ZBTB40: variants seen among roughly 807,000 people sequenced by gnomAD.
ZBTB40 encodes the protein zinc finger and BTB domain containing 40.
In ZBTB40, 60 loss-of-function variants were observed where a neutral mutation model predicts 117.5. That is an observed-to-expected ratio of 0.51 (90% CI 0.41 to 0.63). The LOEUF is 0.63. Among genes scored for constraint, ZBTB40 ranks in the 30% least tolerant of loss-of-function variants. The probability of loss-of-function intolerance (pLI) is 0.00; values close to 1 mark genes in which losing one functional copy is unlikely to be tolerated. For missense variants in ZBTB40, 1,287 were observed against 1,498.5 expected, an observed-to-expected ratio of 0.86 and a Z score of 2.33; for synonymous variants, 525 against 577.1, an observed-to-expected ratio of 0.91 and a Z score of 1.29.
chr1:22,521,541 G>A lies in ZBTB40; in HGVS notation c.3094G>A (p.Val1032Ile), dbSNP rs1459222484. The change falls in exon 15 of 18, where the codon GTA becomes ATA. Residue 1032 changes from valine (V) to isoleucine (I), a missense_variant. By Grantham distance (29) the Val-to-Ile change is conservative (BLOSUM62 3). Coordinates refer to ENST00000375647, the MANE Select transcript of ZBTB40 (RefSeq NM_014870.4). ...WYHNRTHHPD[V>I]FAAQNHRSSK... ...CCACAATCGAACCCACCACCCTGAC[G>A]TATTTGCTGCTCAGAACCACCGATC... is the stretch of plus-strand genomic sequence containing the variant. 3.1e-6 allele frequency: 5 copies of A among 1,614,062 alleles called. No homozygotes were observed. Among genetic ancestry groups the A allele is most frequent in the Admixed American group, 3.3e-5 (2 of 60,002 alleles).
In ZBTB40 at chr1:22,524,359, A is replaced by T; in HGVS notation, c.3440A>T (p.Gln1147Leu). ...CTCTGTGGGGAACTCTTCACCTCCCAGGCCCAGCTTGACAGTCACCTGGAA... is the reference window on the plus strand; with the variant it reads ...CTCTGTGGGGAACTCTTCACCTCCCTGGCCCAGCTTGACAGTCACCTGGAA... ...CELCGELFTS[Q>L]AQLDSHLESE... The change falls in exon 17 of 18, where the codon CAG becomes CTG. Residue 1147 changes from glutamine to leucine, a missense_variant. Gln to Leu is a moderately radical substitution (Grantham distance 113, BLOSUM62 -2). Coordinates refer to ENST00000375647, the MANE Select transcript of ZBTB40 (RefSeq NM_014870.4). 1 of 1,614,152 alleles carries T rather than the reference A, an allele frequency of 6.2e-7. No homozygotes were observed. Among genetic ancestry groups the T allele is most frequent in the South Asian group, 1.1e-5 (1 of 91,072 alleles).
intron 7 of ZBTB40, 104 bp downstream of exon 7, chr1:22,508,241 A>G: frequency 7.3e-7 from 1 of 1,364,596 alleles, no homozygotes; most frequent in Admixed American, 2.0e-5. Flanking sequence ...ATACATATGT[A>G]GCCATGTTGA....
At chr1:22,480,397 A>G (rs1392541447) in intron 1 of ZBTB40, among the ~76,000 whole-genome samples, 1 of 152,138 alleles carries the variant, frequency 6.6e-6, no homozygotes, top group Non-Finnish European at 1.5e-5. Context: ...TTCTGTTTCA[A>G]AGGTCCCCTC....
At chr1:22,517,832 C>T (rs1435590966) in intron 13 of ZBTB40, among the ~76,000 whole-genome samples, 1 of 152,170 alleles carries the variant, frequency 6.6e-6, no homozygotes. Context: ...CCCGTAGGAG[C>T]AGTCCAGACA....
chr1:22,489,866 G>A lies in ZBTB40; in HGVS notation c.-69-14G>A, dbSNP rs1557501835. 23 of 1,325,796 alleles carry A rather than the reference G, an allele frequency of 1.7e-5. No homozygotes were observed. The highest frequency in any genetic ancestry group is 2.3e-5 in the East Asian group (1 of 43,592). 82.1% of individuals were successfully genotyped at this position (1,325,796 alleles called of 1,614,324 possible). On this transcript the variant is annotated splice_polypyrimidine_tract_variant and intron_variant, in intron 1 of 17. Coordinates refer to ENST00000375647, the MANE Select transcript of ZBTB40 (RefSeq NM_014870.4). ...TTTTGAAGTTTTAACCTGGTATTTTGTGGGTTTCTCTAGGGCCTGTCCTCC... is the reference window on the plus strand; with the variant it reads ...TTTTGAAGTTTTAACCTGGTATTTTATGGGTTTCTCTAGGGCCTGTCCTCC...
chr1:22,522,282 T>C, intron 15 of ZBTB40, 95 bp from the exon 16 acceptor site: 1 of 1,136,606 alleles, frequency 8.8e-7, no homozygotes, highest in Non-Finnish European at 1.3e-6. Flanking sequence ...TGCTAAGTAT[T>C]GGCCATCGCC....
At chr1:22,508,201 T>G in intron 7 of ZBTB40, 64 bp downstream of exon 7, 3 of 1,520,072 alleles carry the variant, frequency 2.0e-6, no homozygotes, top group Non-Finnish European at 2.7e-6. Context: ...AAAATATGAA[T>G]ACACACACAC....
intron 3 of ZBTB40, among the ~76,000 whole-genome samples, chr1:22,494,479 T>C (rs965204479): frequency 2.0e-5 from 3 of 152,238 alleles, no homozygotes; most frequent in African/African-American, 7.2e-5. Flanking sequence ...CCATGGTGTC[T>C]GATTCTTAGG....
intron 1 of ZBTB40, among the ~76,000 whole-genome samples, chr1:22,489,301 G>T (rs545111645): frequency 3.3e-5 from 5 of 152,176 alleles, no homozygotes; most frequent in Non-Finnish European, 5.9e-5. Flanking sequence ...TAAAGGCTGC[G>T]CTGATGCAGA....
At chr1:22,488,756 G>C (rs375247614) in intron 1 of ZBTB40, among the ~76,000 whole-genome samples, 1 of 152,236 alleles carries the variant, frequency 6.6e-6, no homozygotes, top group Non-Finnish European at 1.5e-5. Context: ...AGATCTGGCT[G>C]TGTGTTAAGT....
At chr1:22,474,783 A>G (rs189478365) in intron 1 of ZBTB40, among the ~76,000 whole-genome samples, 3 of 152,296 alleles carry the variant, frequency 2.0e-5, no homozygotes, top group African/African-American at 7.2e-5. Flanking sequence ...TGGTCATGCA[A>G]CAAGAGTATG....
chr1:22,491,165 G>A (rs996690868), intron 2 of ZBTB40, among the ~76,000 whole-genome samples: 5 of 152,176 alleles, frequency 3.3e-5, no homozygotes, highest in African/African-American at 1.2e-4. Flanking sequence ...AAAGTGCTGG[G>A]ATTACAGGCG....
At chr1:22,454,623 C>T (rs1289509699) in intron 1 of ZBTB40, among the ~76,000 whole-genome samples, 7 of 152,146 alleles carry the variant, frequency 4.6e-5, no homozygotes, top group South Asian at 2.1e-4. Context: ...TGGGTAACAA[C>T]GTGAGATGTT....
chr1:22,526,545 A>C lies in ZBTB40; in HGVS notation c.*149A>C. 1 of 1,020,584 alleles carries C rather than the reference A, an allele frequency of 9.8e-7. No homozygotes were observed. The highest frequency in any genetic ancestry group is 1.5e-6 in the Non-Finnish European group (1 of 679,754). The allele number at this position is 1,020,584 out of a possible 1,614,324, so 63.2% of individuals were successfully genotyped here. On this transcript the variant is annotated 3_prime_UTR_variant, in exon 18 of 18. Coordinates refer to ENST00000375647, the MANE Select transcript of ZBTB40 (RefSeq NM_014870.4). ...ACAGTCTCACCTAGAAAACAGATGG[A>C]AGCTTCGTTGTTCTCATAGAACCAA...
At chr1:22,434,840 C>G (rs1304400084) in intron 1 of ZBTB40, among the ~76,000 whole-genome samples, 1 of 152,054 alleles carries the variant, frequency 6.6e-6, no homozygotes, top group Non-Finnish European at 1.5e-5. Context: ...AGGGCTGGCT[C>G]TCCACATTCT....
intron 3 of ZBTB40, among the ~76,000 whole-genome samples, chr1:22,494,257 T>C (rs368850154): frequency 1.4e-4 from 21 of 152,352 alleles, no homozygotes; most frequent in African/African-American, 4.8e-4. Context: ...TAAGGCATGC[T>C]TTCAGATAGG....
chr1:22,512,455 G>C (rs1332115288), intron 11 of ZBTB40, among the ~76,000 whole-genome samples: 1 of 152,188 alleles, frequency 6.6e-6, no homozygotes, highest in African/African-American at 2.4e-5. Context: ...AGCTCTTACT[G>C]TTTACAGTGA....
intron 1 of ZBTB40, among the ~76,000 whole-genome samples, chr1:22,462,996 C>G (rs117718537): frequency 2.9e-5 from 4 of 136,322 alleles, no homozygotes; most frequent in Non-Finnish European, 5.1e-5. Flanking sequence ...TAACACCTAA[C>G]ATTTAGTGAC....
chr1:22,522,346 C>T (rs1331930081), intron 15 of ZBTB40, 31 bp from the exon 16 acceptor site: 1 of 1,610,838 alleles, frequency 6.2e-7, no homozygotes, highest in South Asian at 1.1e-5. Context: ...TTTGTTCTTT[C>T]CCAGCACGTC....
Sources: allele counts gnomAD v4.1 joint callset (sites outside exome capture counted in the v4.1 genomes callset), GRCh38; gene constraint gnomAD v4.1.1; transcripts MANE v1.5; gene names NCBI Gene and HGNC (gene_info 2026-07-23, HGNC 2026-07-21).